The following SPOCK3 variants were observed in gnomAD, a reference collection of about 807,000 sequenced individuals.
The protein encoded by SPOCK3 is SPARC (osteonectin), cwcv and kazal like domains proteoglycan 3, also known as testican-3.
Under a neutral mutation model 56.6 loss-of-function variants are expected in SPOCK3, and 30 were observed. That is an observed-to-expected ratio of 0.53 (90% confidence interval 0.40 to 0.72). SPOCK3 has a LOEUF of 0.72. SPOCK3 is among the 30% of genes least tolerant of loss of function. The pLI is 0.00. For missense variants in SPOCK3, 527 were observed against 530.0 expected (o/e 0.99, Z 0.06); for synonymous variants, 196 against 183.3 (o/e 1.07, Z -0.56).
chr4:166,988,654 T>C (rs778106036), intron 4 of SPOCK3, among the ~76,000 whole-genome samples: 5 of 152,100 alleles, frequency 3.3e-5, no homozygotes, highest in East Asian at 1.9e-4. Flanking sequence ...ATAGAATTCA[T>C]AGGCAGCAGA....
rs1224290040 is a variant in SPOCK3 at position 167,192,339 on chromosome 4, C to G, written c.189+41646G>C. On this transcript the variant is annotated intron_variant, in intron 2 of 10. Transcript: ENST00000357545. ...AGTGTTCTCTCCAAACTTTTTTTGG[C>G]AGAGTTTGAAATGAATTGGAATGAA... is the stretch of plus-strand genomic sequence containing the variant. 1.4e-5 allele frequency among the ~76,000 whole-genome samples: 2 copies of G among 145,560 alleles called. 1 individual carries two copies. Among genetic ancestry groups the G allele is most frequent in the Non-Finnish European group, 3.0e-5 (2 of 66,740 alleles).
chr4:166,991,469 A>T (rs1747782462), intron 4 of SPOCK3, among the ~76,000 whole-genome samples: 1 of 151,872 alleles, frequency 6.6e-6, no homozygotes, highest in Non-Finnish European at 1.5e-5. Context: ...TCCCTGGCTC[A>T]GTGATTTCTC....
At chr4:166,764,632 T>C (rs1395186823) in intron 7 of SPOCK3, among the ~76,000 whole-genome samples, 3 of 152,178 alleles carry the variant, frequency 2.0e-5, no homozygotes, top group African/African-American at 4.8e-5. Flanking sequence ...CTATTGTGAA[T>C]AGTGCTGCAA....
intron 2 of SPOCK3, among the ~76,000 whole-genome samples, chr4:167,088,117 T>C (rs1242040019): frequency 6.6e-6 from 1 of 152,136 alleles, no homozygotes; most frequent in Non-Finnish European, 1.5e-5. Flanking sequence ...GGATGATATA[T>C]AACAAGTACT....
intron 4 of SPOCK3, among the ~76,000 whole-genome samples, chr4:166,931,273 C>T (rs1412698216): frequency 1.3e-5 from 2 of 151,554 alleles, no homozygotes; most frequent in East Asian, 2.0e-4. Context: ...TGAGCCACCG[C>T]TCCCGGCCCA....
chr4:167,145,127 C>T (rs1237523570), intron 2 of SPOCK3, among the ~76,000 whole-genome samples: 1 of 151,906 alleles, frequency 6.6e-6, no homozygotes, highest in African/African-American at 2.4e-5. Flanking sequence ...ATTTGAAATA[C>T]AGTCAACATG....
Position 167,025,849 on chromosome 4 carries a change from G to A in SPOCK3, c.236-25386C>T, listed in dbSNP as rs76676600. On this transcript the variant is annotated intron_variant, in intron 3 of 10. Coordinates refer to ENST00000357545, the MANE Select transcript of SPOCK3 (RefSeq NM_001040159.2). ...ATTTCATCCTTGTGCAAACATCGTA[G>A]AGTGTACTTACACAACCTAAATGGT... is the stretch of plus-strand genomic sequence containing the variant. Among the ~76,000 whole-genome samples the A allele has an allele frequency of 2.8e-3, 427 of 152,152 alleles. 1 individual carries two copies. The highest frequency in any genetic ancestry group is 4.8e-3 in the Non-Finnish European group (328 of 67,986).
intron 2 of SPOCK3, among the ~76,000 whole-genome samples, chr4:167,228,619 A>G (rs1736827252): frequency 6.6e-6 from 1 of 152,146 alleles, no homozygotes; most frequent in Non-Finnish European, 1.5e-5. Flanking sequence ...ACTGGCAAGC[A>G]GGATAGTGGT....
intron 9 of SPOCK3, among the ~76,000 whole-genome samples, chr4:166,739,454 T>A (rs952279319): frequency 6.6e-6 from 1 of 152,112 alleles, no homozygotes; most frequent in African/African-American, 2.4e-5. Context: ...TTGTCAAGAC[T>A]GATCTCAAAC....
At chr4:166,819,583 T>A (rs1490709099) in intron 6 of SPOCK3, among the ~76,000 whole-genome samples, 1 of 151,896 alleles carries the variant, frequency 6.6e-6, no homozygotes, top group Admixed American at 6.6e-5. Context: ...TTCCTAACAA[T>A]GGACAATCCA....
intron 7 of SPOCK3, among the ~76,000 whole-genome samples, chr4:166,771,650 C>T (rs17696319): frequency 0.33 from 49,847 of 151,788 alleles, 8,395 homozygotes; most frequent in Admixed American, 0.42. Context: ...GCCTAAATGT[C>T]ATTAAATACC....
At chr4:167,205,474 TTATATATAATATATAA>T in intron 2 of SPOCK3, among the ~76,000 whole-genome samples, 1 of 51,294 alleles carries the variant, frequency 1.9e-5, no homozygotes, top group Non-Finnish European at 3.3e-5. Context: ...AGAATTTATT[TTATATATAATATATAA>T]TATATAATAT....
At chr4:166,804,137 G>T (rs1040987710) in intron 6 of SPOCK3, among the ~76,000 whole-genome samples, 9 of 152,126 alleles carry the variant, frequency 5.9e-5, no homozygotes, top group Non-Finnish European at 2.9e-5. Context: ...TAGTAGTAAG[G>T]TTTCTTAGTA....
chr4:166,851,402 G>A (rs544723294), intron 6 of SPOCK3, among the ~76,000 whole-genome samples: 58 of 152,318 alleles, frequency 3.8e-4, no homozygotes, highest in African/African-American at 1.4e-3. Flanking sequence ...ACTCTAAAAA[G>A]CAGAGCGCCT....
intron 3 of SPOCK3, among the ~76,000 whole-genome samples, chr4:167,004,231 T>G (rs1391133933): frequency 1.3e-5 from 2 of 152,060 alleles, no homozygotes; most frequent in African/African-American, 4.8e-5. Context: ...TGATGGTGAA[T>G]GGGAGAAAAC....
chr4:167,013,337 A>G (rs1750276212), intron 3 of SPOCK3, among the ~76,000 whole-genome samples: 1 of 151,796 alleles, frequency 6.6e-6, no homozygotes, highest in South Asian at 2.1e-4. Flanking sequence ...GGATTGAGGA[A>G]GATTTTAAAA....
At chr4:166,754,827 C>A (rs1256661089) in intron 7 of SPOCK3, 98 bp from the exon 8 acceptor site, 3 of 1,047,730 alleles carry the variant, frequency 2.9e-6, no homozygotes, top group Non-Finnish European at 4.2e-6. Flanking sequence ...TGTAGGACAT[C>A]TAATGAATAG....
intron 6 of SPOCK3, among the ~76,000 whole-genome samples, chr4:166,866,604 A>G (rs1376782233): frequency 6.6e-6 from 1 of 152,162 alleles, no homozygotes; most frequent in East Asian, 1.9e-4. Flanking sequence ...AAATGACTCA[A>G]TCAAAAAGTG....
At chr4:167,140,169 T>C (rs960610443) in intron 2 of SPOCK3, among the ~76,000 whole-genome samples, 6 of 152,054 alleles carry the variant, frequency 3.9e-5, no homozygotes, top group Non-Finnish European at 7.4e-5. Context: ...GATGATGCAT[T>C]AGTTTACTTT....
Sources: allele counts gnomAD v4.1 joint callset (sites outside exome capture counted in the v4.1 genomes callset), GRCh38; gene constraint gnomAD v4.1.1; transcripts MANE v1.5; gene names NCBI Gene and HGNC (gene_info 2026-07-23, HGNC 2026-07-21).